The following HSD11B1L variants were observed in gnomAD, a reference collection of about 807,000 sequenced individuals.
HSD11B1L encodes the protein hydroxysteroid 11-beta-dehydrogenase 1-like protein.
Under a neutral mutation model 27.0 loss-of-function variants are expected in HSD11B1L, and 22 were observed. That is an observed-to-expected ratio of 0.81 (90% CI 0.58 to 1.16). HSD11B1L has a LOEUF of 1.16. HSD11B1L is among the 50% of genes most tolerant of loss of function. The probability of loss-of-function intolerance (pLI) is 0.00; values close to 1 mark genes in which losing one functional copy is unlikely to be tolerated. For synonymous variants in HSD11B1L, 187 were observed against 189.2 expected, an observed-to-expected ratio of 0.99 and a Z score of 0.09; for missense variants, 372 against 401.8, an observed-to-expected ratio of 0.93 and a Z score of 0.63.
rs777591577 is a variant in HSD11B1L at position 5,687,325 on chromosome 19, C to G, written c.452C>G (p.Pro151Arg). ...GTGCAACTGACGTCGCGGGCGCTGC[C>G]CAGCCTGACGGACAGCAAGGGCTCC... ...SYVQLTSRAL[P>R]SLTDSKGSLV... The change falls in exon 6 of 8, where the codon CCC becomes CGC. Residue 151 changes from proline to arginine, a missense_variant. Pro to Arg is a moderately radical substitution (Grantham distance 103, BLOSUM62 -2). Coordinates refer to ENST00000339423, the MANE Select transcript of HSD11B1L (RefSeq NM_198706.3). This position sits in a 1 kb window ranked among gnomAD's most constrained non-coding sequence, Gnocchi z 6.6. 1.2e-6 allele frequency: 2 copies of G among 1,612,934 alleles called. No individual in the cohort carries two copies. Among genetic ancestry groups the G allele is most frequent in the Middle Eastern group, 1.7e-4 (1 of 5,896 alleles).
In HSD11B1L at chr19:5,684,809, C is replaced by G; in HGVS notation, c.-14-10C>G. The G allele has an allele frequency of 6.2e-7, 1 of 1,613,560 alleles. No individual in the cohort carries two copies. Among genetic ancestry groups the G allele is most frequent in the Non-Finnish European group, 8.5e-7 (1 of 1,179,958 alleles). On this transcript the variant is annotated splice_polypyrimidine_tract_variant and intron_variant, in intron 1 of 7. Coordinates refer to ENST00000339423, the MANE Select transcript of HSD11B1L (RefSeq NM_198706.3). ...TGTGCCGGCCACCTCTGTCCCCTGT[C>G]CCTCTGCAGGCCCACACAGGACCAT...
chr19:5,683,963 C>G (rs2054621081), intron 1 of HSD11B1L: 1 of 407,668 alleles, frequency 2.5e-6, no homozygotes, highest in African/African-American at 2.1e-5. Context: ...AAGGAGGTCA[C>G]TGTTCTTTTT....
Position 5,688,214 on chromosome 19 carries a change from T to C in HSD11B1L, c.*269T>C. On this transcript the variant is annotated 3_prime_UTR_variant, in exon 8 of 8. Transcript: ENST00000339423. ...TGATTGATGACGTGACTGCTTCCAT[T>C]TTGCAGATGAGGAAACTAAGGCTCA... 6.5e-7 allele frequency: 1 copy of C among 1,539,496 alleles called. No individual in the cohort carries two copies. Among genetic ancestry groups the C allele is most frequent in the Non-Finnish European group, 8.8e-7 (1 of 1,142,172 alleles).
At position 5,685,396 on chromosome 19, in the gene HSD11B1L, C is replaced by T. The variant is rs749988984; in HGVS notation, c.204+277C>T. The T allele has an allele frequency of 6.5e-5, 36 of 555,090 alleles. No homozygotes were observed. Among genetic ancestry groups the T allele is most frequent in the South Asian group, 2.7e-4 (17 of 63,002 alleles). The allele number at this position is 555,090 out of a possible 1,614,324, so 34.4% of individuals were successfully genotyped here. A position where few individuals can be genotyped will look rare whatever the true frequency, so the allele number is the denominator to read the frequency against. ...TTCAAGACCAGCCTGGCCAACATGG[C>T]GAAACCTGGTCTCTACTAAGAAGAC... On this transcript the variant is annotated intron_variant, in intron 3 of 7. Transcript: ENST00000339423. This position sits in a 1 kb window ranked among gnomAD's most constrained non-coding sequence, Gnocchi z 4.3.
In HSD11B1L at chr19:5,685,288, C is replaced by A; in HGVS notation, c.204+169C>A. On this transcript the variant is annotated intron_variant, in intron 3 of 7. Transcript: ENST00000339423. This position sits in a 1 kb window ranked among gnomAD's most constrained non-coding sequence, Gnocchi z 4.3. Reference sequence around the variant, plus strand: ...ATTTGCAAAACGGGGACAATAAAACCACTTTCTGGCCAGGCACGGTGGCTC... The same window carrying A: ...ATTTGCAAAACGGGGACAATAAAACAACTTTCTGGCCAGGCACGGTGGCTC... 1 of 921,778 alleles carries A rather than the reference C, an allele frequency of 1.1e-6. No homozygotes were observed. Among genetic ancestry groups the A allele is most frequent in the Non-Finnish European group, 1.7e-6 (1 of 586,792 alleles). 57.1% of individuals were successfully genotyped at this position (921,778 alleles called of 1,614,324 possible). A position where few individuals can be genotyped will look rare whatever the true frequency, so the allele number is the denominator to read the frequency against.
intron 4 of HSD11B1L, 61 bp downstream of exon 4, chr19:5,686,588 C>A: frequency 7.5e-7 from 1 of 1,329,454 alleles, no homozygotes; most frequent in Non-Finnish European, 1.0e-6. Flanking sequence ...AGGGACAGGA[C>A]CAGAATTGGG....
chr19:5,685,133 T>G lies in HSD11B1L; in HGVS notation c.204+14T>G, dbSNP rs1201248290. On this transcript the variant is annotated intron_variant, in intron 3 of 7. Transcript: ENST00000339423. The surrounding 1 kb of genome is among the most constrained non-coding windows in gnomAD (Gnocchi z 4.3). ...CTCCTGCAGAAGGTGAGCCACCCCATGTCTAGATGAATGGTGGGGGTGCTC... is the reference window on the plus strand; with the variant it reads ...CTCCTGCAGAAGGTGAGCCACCCCAGGTCTAGATGAATGGTGGGGGTGCTC... 1.3e-6 allele frequency: 2 copies of G among 1,543,748 alleles called. No homozygotes were observed.
chr19:5,681,562 C>T (rs2054547177), intron 1 of HSD11B1L, among the ~76,000 whole-genome samples: 1 of 152,026 alleles, frequency 6.6e-6, no homozygotes, highest in Admixed American at 6.6e-5. Context: ...CCCCATCCTT[C>T]CACTCATCCA....
chr19:5,686,790 T>A, intron 4 of HSD11B1L, 110 bp from the exon 5 acceptor site: 1 of 908,516 alleles, frequency 1.1e-6, no homozygotes, highest in South Asian at 1.7e-5. Flanking sequence ...GGGAGTTACC[T>A]GGGGCGGAGC....
At chr19:5,684,967 T>C in intron 2 of HSD11B1L, 22 bp from the exon 3 acceptor site, 1 of 1,612,176 alleles carries the variant, frequency 6.2e-7, no homozygotes, top group Non-Finnish European at 8.5e-7. Context: ...CCGCCCAGAG[T>C]GACCACCCCG....
rs1195930518 is a variant in HSD11B1L, at chr19:5,688,200, G to A, written c.*255G>A. ...CACCTGTTTGGCCATGATTGATGACGTGACTGCTTCCATTTTGCAGATGAG... is the reference window on the plus strand; with the variant it reads ...CACCTGTTTGGCCATGATTGATGACATGACTGCTTCCATTTTGCAGATGAG... On this transcript the variant is annotated 3_prime_UTR_variant, in exon 8 of 8. Coordinates refer to ENST00000339423, the MANE Select transcript of HSD11B1L (RefSeq NM_198706.3). 2 of 1,544,548 alleles carry A rather than the reference G, an allele frequency of 1.3e-6. No individual in the cohort carries two copies. The highest frequency in any genetic ancestry group is 1.7e-6 in the Non-Finnish European group (2 of 1,144,408).
Position 5,687,537 on chromosome 19 carries a change from G to C in HSD11B1L, c.537G>C (p.Ser179=). The change falls in exon 7 of 8, where the codon TCG becomes TCC. Residue 179 remains serine, a synonymous_variant. Coordinates refer to ENST00000339423, the MANE Select transcript of HSD11B1L (RefSeq NM_198706.3). This position sits in a 1 kb window ranked among gnomAD's most constrained non-coding sequence, Gnocchi z 6.6. The part of the protein sequence containing the change: ...RVPTSFSTPY[S]AAKFALDGFF... ...CCACGTCGTTCTCCACTCCCTACTC[G>C]GCGGCCAAGTTTGCGCTGGACGGCT... The C allele has an allele frequency of 6.3e-7, 1 of 1,599,828 alleles. No homozygotes were observed. The highest frequency in any genetic ancestry group is 1.7e-4 in the Middle Eastern group (1 of 5,882).
rs1052624677 is a variant in HSD11B1L, at chr19:5,688,038, G to C, written c.*93G>C. ...ACACTCACAGAGACACCCCTGAGAG[G>C]GTGGCCACAGCCCAAGATGAAGTCA... On this transcript the variant is annotated 3_prime_UTR_variant, in exon 8 of 8. Transcript: ENST00000339423. 9 of 1,551,566 alleles carry C rather than the reference G, an allele frequency of 5.8e-6. No individual in the cohort carries two copies. In the African/African-American group the frequency reaches 9.6e-5, roughly 16 times the overall value.
At chr19:5,686,307 G>C (rs2054687263) in intron 3 of HSD11B1L, 109 bp from the exon 4 acceptor site, 6 of 742,442 alleles carry the variant, frequency 8.1e-6, no homozygotes, top group Non-Finnish European at 1.3e-5. Context: ...CCGAGGCTCA[G>C]AGTAGGGGGG....
Position 5,685,319 on chromosome 19 carries a change from T to G in HSD11B1L, c.204+200T>G, listed in dbSNP as rs937177487. On this transcript the variant is annotated intron_variant, in intron 3 of 7. Coordinates refer to ENST00000339423, the MANE Select transcript of HSD11B1L (RefSeq NM_198706.3). The surrounding 1 kb of genome is among the most constrained non-coding windows in gnomAD (Gnocchi z 4.3). ...CTGGCCAGGCACGGTGGCTCACGCT[T>G]GTAGTCAGCACTTTGGGAGGCCGAG... 5.3e-6 allele frequency: 4 copies of G among 749,064 alleles called. No individual in the cohort carries two copies. Among genetic ancestry groups the G allele is most frequent in the African/African-American group, 1.7e-5 (1 of 58,040 alleles). The allele number at this position is 749,064 out of a possible 1,614,324, so 46.4% of individuals were successfully genotyped here.
intron 1 of HSD11B1L, among the ~76,000 whole-genome samples, chr19:5,681,787 C>T (rs1415489818): frequency 6.6e-6 from 1 of 152,180 alleles, no homozygotes. Flanking sequence ...ATCCACCCAT[C>T]CATCTATTCA....
At position 5,688,202 on chromosome 19, in the gene HSD11B1L, G is replaced by C. The variant is rs1273161247; in HGVS notation, c.*257G>C. ...CCTGTTTGGCCATGATTGATGACGT[G>C]ACTGCTTCCATTTTGCAGATGAGGA... is the stretch of plus-strand genomic sequence containing the variant. On this transcript the variant is annotated 3_prime_UTR_variant, in exon 8 of 8. Transcript: ENST00000339423. 9.1e-6 allele frequency: 14 copies of C among 1,543,940 alleles called. No homozygotes were observed. Among genetic ancestry groups the C allele is most frequent in the Non-Finnish European group, 1.2e-5 (14 of 1,144,268 alleles).
Position 5,686,928 on chromosome 19 carries a change from C to T in HSD11B1L, c.345C>T (p.His115=), listed in dbSNP as rs1184798810. The change falls in exon 5 of 8, where the codon CAC becomes CAT. Residue 115 remains histidine, a synonymous_variant. Coordinates refer to ENST00000339423, the MANE Select transcript of HSD11B1L (RefSeq NM_198706.3). ...GGCTGGACTACCTCGTGCTGAACCA[C>T]ATCGGCGGCGCCCCGGCCGGCACGC... ...LGGLDYLVLN[H]IGGAPAGTRA... The T allele has an allele frequency of 6.4e-7, 1 of 1,553,366 alleles. No individual in the cohort carries two copies. Among genetic ancestry groups the T allele is most frequent in the Admixed American group, 1.9e-5 (1 of 51,604 alleles).
Position 5,687,388 on chromosome 19 carries a change from G to A in HSD11B1L, c.502+13G>A, listed in dbSNP as rs763323802. ...TCCTCGCTGCTCGGTGCGTGCACCC[G>A]GCCCCGGCTCTGCGGGACGGGGAGT... On this transcript the variant is annotated intron_variant, in intron 6 of 7. Coordinates refer to ENST00000339423, the MANE Select transcript of HSD11B1L (RefSeq NM_198706.3). The surrounding 1 kb of genome is among the most constrained non-coding windows in gnomAD (Gnocchi z 6.6). 5.6e-6 allele frequency: 9 copies of A among 1,610,000 alleles called. No individual in the cohort carries two copies. Among genetic ancestry groups the A allele is most frequent in the Middle Eastern group, 1.7e-4 (1 of 5,948 alleles).
Sources: allele counts gnomAD v4.1 joint callset (sites outside exome capture counted in the v4.1 genomes callset), GRCh38; gene constraint gnomAD v4.1.1; non-coding constraint Gnocchi (gnomAD v3.1); transcripts MANE v1.5; gene names NCBI Gene and HGNC (gene_info 2026-07-23, HGNC 2026-07-21).